Variants in SKIC3 observed in about 807,000 individuals in gnomAD.
SKIC3 encodes the protein superkiller complex protein 3.
At chr5:95,480,372 A>G in the SKIC3 span, among the ~76,000 whole-genome samples, 23,422 of 152,106 alleles carry the variant, frequency 0.15, 2,489 homozygotes, top group African/African-American at 0.3. Context: ...TTTAGTAAGT[A>G]AAAAATGAAG....
At chr5:95,511,246 T>TA in the SKIC3 span, among the ~76,000 whole-genome samples, 2 of 152,056 alleles carry the variant, frequency 1.3e-5, no homozygotes, top group African/African-American at 4.8e-5. Flanking sequence ...CCACCTCTAC[T>TA]AAAAATACAA....
the SKIC3 span, among the ~76,000 whole-genome samples, chr5:95,522,669 C>T: frequency 7.9e-5 from 12 of 152,148 alleles, no homozygotes; most frequent in Non-Finnish European, 1.5e-4. Flanking sequence ...AGAAATACCA[C>T]AGTTAAAATA....
chr5:95,516,278 A>C, the SKIC3 span: 2 of 1,500,770 alleles, frequency 1.3e-6, no homozygotes, highest in Non-Finnish European at 1.8e-6. Flanking sequence ...CTCCACAAGA[A>C]GCTGAGCTAT....
At chr5:95,524,341 CATATG>C in the SKIC3 span, 1 of 1,375,168 alleles carries the variant, frequency 7.3e-7, no homozygotes, top group Non-Finnish European at 9.9e-7. Context: ...CAAAACCTGA[CATATG>C]AAAGATAAAG....
the SKIC3 span, among the ~76,000 whole-genome samples, chr5:95,532,532 T>C: frequency 2.1e-4 from 32 of 152,196 alleles, no homozygotes; most frequent in Admixed American, 1.3e-3. Flanking sequence ...CAACTATCAA[T>C]CCTTCTCTTA....
At chr5:95,514,770 C>G in the SKIC3 span, 1 of 1,403,550 alleles carries the variant, frequency 7.1e-7, no homozygotes, top group South Asian at 1.2e-5. Flanking sequence ...AAATGCTATC[C>G]GTTACCATTA....
chr5:95,523,939 T>C, the SKIC3 span: 1 of 1,217,700 alleles, frequency 8.2e-7, no homozygotes, highest in Non-Finnish European at 1.1e-6. Flanking sequence ...AAGAAATAAT[T>C]TCATTAAACA....
the SKIC3 span, chr5:95,513,716 G>T: frequency 1.4e-6 from 2 of 1,457,198 alleles, no homozygotes; most frequent in Admixed American, 1.7e-5. Flanking sequence ...AAATGAAACT[G>T]TCTAGAAGAA....
At chr5:95,519,445 A>G in the SKIC3 span, among the ~76,000 whole-genome samples, 1 of 152,186 alleles carries the variant, frequency 6.6e-6, no homozygotes, top group Admixed American at 6.6e-5. Context: ...AATATTAATT[A>G]TTGTGGTCAT....
chr5:95,494,867 T>C, the SKIC3 span: 1 of 1,595,606 alleles, frequency 6.3e-7, no homozygotes, highest in Non-Finnish European at 8.6e-7. Flanking sequence ...AAGACTCTAT[T>C]TGATATGACA....
the SKIC3 span, chr5:95,540,878 G>A: frequency 9.4e-6 from 15 of 1,593,498 alleles, no homozygotes; most frequent in Admixed American, 8.4e-5. Context: ...ATGTAAAAAT[G>A]CCAATAAAAA....
chr5:95,517,293 C>A, the SKIC3 span: 1 of 1,613,138 alleles, frequency 6.2e-7, no homozygotes, highest in South Asian at 1.1e-5. Context: ...CTTCCAGAGG[C>A]AGGACACATC....
At chr5:95,516,448 T>C in the SKIC3 span, 2 of 1,612,562 alleles carry the variant, frequency 1.2e-6, no homozygotes, top group Non-Finnish European at 1.7e-6. Context: ...AATAGGCCCC[T>C]TGTCTAGTTG....
the SKIC3 span, among the ~76,000 whole-genome samples, chr5:95,512,240 T>C: frequency 6.6e-6 from 1 of 152,176 alleles, no homozygotes; most frequent in Admixed American, 6.5e-5. Context: ...TAATACACTC[T>C]ACACTATAAC....
the SKIC3 span, among the ~76,000 whole-genome samples, chr5:95,546,339 G>GAAAAA: frequency 3.5e-5 from 2 of 57,520 alleles, no homozygotes; most frequent in African/African-American, 1.4e-4. Context: ...CCCACCATGA[G>GAAAAA]AAAAAAAAAA....
chr5:95,547,723 A>G, the SKIC3 span, among the ~76,000 whole-genome samples: 1 of 152,080 alleles, frequency 6.6e-6, no homozygotes, highest in Non-Finnish European at 1.5e-5. Context: ...ATCTCAATCC[A>G]ACTCTCCCAC....
the SKIC3 span, among the ~76,000 whole-genome samples, chr5:95,546,352 C>CAAAAAAAAAAAAA: frequency 1.5e-5 from 2 of 136,518 alleles, no homozygotes; most frequent in African/African-American, 2.7e-5. Flanking sequence ...AAAAAAAAAA[C>CAAAAAAAAAAAAA]AAAAAAAAAA....
chr5:95,466,585 G>C, the SKIC3 span, among the ~76,000 whole-genome samples: 55,163 of 152,084 alleles, frequency 0.36, 12,442 homozygotes, highest in Non-Finnish European at 0.47. Context: ...ATCATATCCT[G>C]GTTTCAGGAA....
the SKIC3 span, chr5:95,468,097 G>A: frequency 2.9e-6 from 4 of 1,402,680 alleles, no homozygotes; most frequent in East Asian, 9.7e-5. Context: ...TGCAGATGTA[G>A]TGTCTGATTA....
Sources: allele counts gnomAD v4.1 joint callset (sites outside exome capture counted in the v4.1 genomes callset), GRCh38; gene constraint gnomAD v4.1.1; transcripts MANE v1.5; gene names NCBI Gene and HGNC (gene_info 2026-07-23, HGNC 2026-07-21).